KIRREL3: variants seen among roughly 807,000 people sequenced by gnomAD.
KIRREL3 encodes the protein kin of IRRE-like protein 3.
In KIRREL3, 36 loss-of-function variants were observed where a neutral mutation model predicts 89.7. The ratio of observed to expected loss-of-function variants is 0.40; its 90% CI spans 0.31 to 0.53. KIRREL3 has a LOEUF of 0.53. KIRREL3 is among the 20% of genes least tolerant of loss of function. KIRREL3 has a pLI of 0.49. For missense variants in KIRREL3, 864 were observed against 1,056.6 expected (o/e 0.82, Z 2.53); for synonymous variants, 445 against 441.4 (o/e 1.01, Z -0.10).
In KIRREL3 at chr11:126,766,200, C is replaced by A. The variant is rs1394684182; in HGVS notation, c.56-203288G>T. ...GAGTCTCTACCTCTCTCCTCCTCCCCTCTCTTCTCCTTGTCTTCCTGGCCC... is the reference window on the plus strand; with the variant it reads ...GAGTCTCTACCTCTCTCCTCCTCCCATCTCTTCTCCTTGTCTTCCTGGCCC... On this transcript the variant is annotated intron_variant, in intron 1 of 16. Transcript: ENST00000525144. The surrounding 1 kb of genome is among the most constrained non-coding windows in gnomAD (Gnocchi z 4.2). Among the ~76,000 whole-genome samples, 1 of 152,004 alleles carries A rather than the reference C, an allele frequency of 6.6e-6. No homozygotes were observed. Among genetic ancestry groups the A allele is most frequent in the South Asian group, 2.1e-4 (1 of 4,814 alleles).
chr11:126,783,521 G>A lies in KIRREL3; in HGVS notation c.55+216934C>T, dbSNP rs1950391029. On this transcript the variant is annotated intron_variant, in intron 1 of 16. Transcript: ENST00000525144. This position sits in a 1 kb window ranked among gnomAD's most constrained non-coding sequence, Gnocchi z 4.3. ...TCTCTTCCAAAAAAGCCACACTAAT[G>A]AGGGTCTGTCAAAGGGACACAGAAG... 6.6e-6 allele frequency among the ~76,000 whole-genome samples: 1 copy of A among 152,186 alleles called. No homozygotes were observed. The highest frequency in any genetic ancestry group is 1.9e-4 in the East Asian group (1 of 5,196).
chr11:126,956,170 CACTT>C (rs1291349308), intron 1 of KIRREL3, among the ~76,000 whole-genome samples: 1 of 152,178 alleles, frequency 6.6e-6, no homozygotes, highest in Non-Finnish European at 1.5e-5. Flanking sequence ...TTCATTCGTT[CACTT>C]ACTTACTCAA....
intron 11 of KIRREL3, chr11:126,440,077 A>T: frequency 2.4e-6 from 1 of 423,446 alleles, no homozygotes; most frequent in Non-Finnish European, 4.5e-6. Flanking sequence ...GGGGTTGCCA[A>T]CTATTACCTG....
chr11:126,737,925 C>T (rs1045653888), intron 1 of KIRREL3, among the ~76,000 whole-genome samples: 3 of 152,304 alleles, frequency 2.0e-5, no homozygotes, highest in African/African-American at 7.2e-5. Context: ...ATACTGTTAA[C>T]TACAGTCACC....
intron 4 of KIRREL3, among the ~76,000 whole-genome samples, chr11:126,497,114 G>A (rs1026024656): frequency 7.3e-5 from 11 of 150,410 alleles, no homozygotes; most frequent in Admixed American, 6.6e-4. Context: ...GCTTGGCTGT[G>A]TGTGTGTGTG....
intron 8 of KIRREL3, among the ~76,000 whole-genome samples, 157 bp from the exon 9 acceptor site, chr11:126,447,043 C>T (rs75133024): frequency 0.037 from 5,575 of 152,232 alleles, 349 homozygotes; most frequent in African/African-American, 0.12. Context: ...GTCTTATGTC[C>T]GGGCGGGGTC....
Position 126,471,510 on chromosome 11 carries a change from AGT to A in KIRREL3, c.591+1797_591+1798del, listed in dbSNP as rs1956891365. Among the ~76,000 whole-genome samples, 1 of 151,964 alleles carries A rather than the reference AGT, an allele frequency of 6.6e-6. No individual in the cohort carries two copies. The highest frequency in any genetic ancestry group is 2.4e-5 in the African/African-American group (1 of 41,378). ...GGGCTGGGGTGGGAGGTGTGGGGAG[AGT>A]GTGGGCACAGCCTCTGTTGTGGCTT... On this transcript the variant is annotated intron_variant, in intron 5 of 16. Coordinates refer to ENST00000525144, the MANE Select transcript of KIRREL3 (RefSeq NM_032531.4). This position sits in a 1 kb window ranked among gnomAD's most constrained non-coding sequence, Gnocchi z 5.4.
chr11:126,864,408 C>T (rs1192602227), intron 1 of KIRREL3, among the ~76,000 whole-genome samples: 1 of 152,218 alleles, frequency 6.6e-6, no homozygotes, highest in Non-Finnish European at 1.5e-5. Context: ...AGGAGGGCTG[C>T]ACAGCTTGCA....
At chr11:126,453,435 A>G (rs1346129516) in intron 7 of KIRREL3, among the ~76,000 whole-genome samples, 2 of 152,220 alleles carry the variant, frequency 1.3e-5, no homozygotes, top group East Asian at 3.8e-4. Flanking sequence ...TTCAGAGATG[A>G]CAGCCTCTTA....
At position 126,763,951 on chromosome 11, in the gene KIRREL3, T is replaced by G. The variant is rs984559923; in HGVS notation, c.56-201039A>C. On this transcript the variant is annotated intron_variant, in intron 1 of 16. Coordinates refer to ENST00000525144, the MANE Select transcript of KIRREL3 (RefSeq NM_032531.4). This position sits in a 1 kb window ranked among gnomAD's most constrained non-coding sequence, Gnocchi z 4.7. Reference sequence around the variant, plus strand: ...ATTTTTCCTCTCTTTTCCTGTATCTTTTTTCCCCCACAACTCTGCATTCCC... The same window carrying G: ...ATTTTTCCTCTCTTTTCCTGTATCTGTTTTCCCCCACAACTCTGCATTCCC... Among the ~76,000 whole-genome samples, 3 of 152,098 alleles carry G rather than the reference T, an allele frequency of 2.0e-5. No individual in the cohort carries two copies. The highest frequency in any genetic ancestry group is 4.8e-5 in the African/African-American group (2 of 41,412).
At chr11:126,857,905 A>G (rs1354573628) in intron 1 of KIRREL3, among the ~76,000 whole-genome samples, 2 of 152,072 alleles carry the variant, frequency 1.3e-5, no homozygotes, top group Non-Finnish European at 2.9e-5. Context: ...TATCCTCTGT[A>G]TACACACACC....
At chr11:126,691,101 A>G (rs907410514) in intron 1 of KIRREL3, among the ~76,000 whole-genome samples, 9 of 152,338 alleles carry the variant, frequency 5.9e-5, no homozygotes, top group East Asian at 1.9e-4. Context: ...AGAGATACCA[A>G]TCTCACCCAC....
At chr11:126,821,803 C>T (rs181073420) in intron 1 of KIRREL3, among the ~76,000 whole-genome samples, 1 of 152,068 alleles carries the variant, frequency 6.6e-6, no homozygotes, top group East Asian at 1.9e-4. Context: ...AAAGATCCCA[C>T]CAGCCCTAGT....
chr11:126,538,572 TGA>T (rs1216040691), intron 2 of KIRREL3, among the ~76,000 whole-genome samples: 6 of 152,010 alleles, frequency 3.9e-5, no homozygotes, highest in Non-Finnish European at 8.8e-5. Flanking sequence ...GGATCAGCTT[TGA>T]GAAATTTCCA....
intron 1 of KIRREL3, among the ~76,000 whole-genome samples, chr11:126,901,751 T>A (rs116923205): frequency 0.045 from 6,859 of 152,306 alleles, 208 homozygotes; most frequent in Non-Finnish European, 0.071. Context: ...TGTATGTGTT[T>A]TAAGGGCAGA....
chr11:126,481,172 G>A (rs1242277284), intron 4 of KIRREL3, among the ~76,000 whole-genome samples: 1 of 152,162 alleles, frequency 6.6e-6, no homozygotes, highest in Non-Finnish European at 1.5e-5. Context: ...GTGTTGATAA[G>A]TACTAGAAGG....
rs1337535131 is a variant in KIRREL3, at chr11:126,677,810, C to A, written c.56-114898G>T. On this transcript the variant is annotated intron_variant, in intron 1 of 16. Coordinates refer to ENST00000525144, the MANE Select transcript of KIRREL3 (RefSeq NM_032531.4). The surrounding 1 kb of genome is among the most constrained non-coding windows in gnomAD (Gnocchi z 5.1). ...TGGAGTGAGCCTCCCCCTTTTACTG[C>A]ATCTCCACGAGGCAGAGGAAGTGGC... Among the ~76,000 whole-genome samples, 1 of 152,184 alleles carries A rather than the reference C, an allele frequency of 6.6e-6. No individual in the cohort carries two copies. The highest frequency in any genetic ancestry group is 1.5e-5 in the Non-Finnish European group (1 of 68,026).
At position 126,749,764 on chromosome 11, in the gene KIRREL3, G is replaced by A. The variant is rs556869337; in HGVS notation, c.56-186852C>T. 7.9e-5 allele frequency among the ~76,000 whole-genome samples: 12 copies of A among 152,302 alleles called. No homozygotes were observed. The East Asian group carries it at 2.3e-3, about 29-fold the overall frequency. On this transcript the variant is annotated intron_variant, in intron 1 of 16. Coordinates refer to ENST00000525144, the MANE Select transcript of KIRREL3 (RefSeq NM_032531.4). ...GGTGAGGAAGGTGAAAGTGACTGCT[G>A]TGATCATTTTCATAACCGGACCCTC... is the stretch of plus-strand genomic sequence containing the variant.
chr11:126,446,898 GGAA>G lies in KIRREL3; in HGVS notation c.998-15_998-13del, dbSNP rs1473266369. The G allele has an allele frequency of 2.1e-5, 33 of 1,603,764 alleles. No homozygotes were observed. The highest frequency in any genetic ancestry group is 2.4e-5 in the Non-Finnish European group (28 of 1,175,378). On this transcript the variant is annotated splice_polypyrimidine_tract_variant and intron_variant, in intron 8 of 16. Transcript: ENST00000525144. ...CATCCGGGGCCCAACTGCGATGTGA[GGAA>G]GAAGAAGACAGGTTCAGGTGGGTGG...
Sources: allele counts gnomAD v4.1 joint callset (sites outside exome capture counted in the v4.1 genomes callset), GRCh38; gene constraint gnomAD v4.1.1; non-coding constraint Gnocchi (gnomAD v3.1); transcripts MANE v1.5; gene names NCBI Gene and HGNC (gene_info 2026-07-23, HGNC 2026-07-21).